MAPK10: variants seen among roughly 807,000 people sequenced by gnomAD.
MAPK10 encodes mitogen-activated protein kinase 10.
In MAPK10, 25 loss-of-function variants were observed where a neutral mutation model predicts 59.3. The ratio of observed to expected loss-of-function variants is 0.42; its 90% CI spans 0.31 to 0.59. The LOEUF is 0.59. Among genes scored for constraint, MAPK10 ranks in the 20% least tolerant of loss-of-function variants. The pLI, the probability that MAPK10 is intolerant of heterozygous loss-of-function variation, is 0.15. For synonymous variants in MAPK10, 190 were observed against 200.5 expected (o/e 0.95, Z 0.44); for missense variants, 351 against 568.9 (o/e 0.62, Z 3.90).
chr4:86,133,739 C>G (rs370678589), intron 4 of MAPK10, among the ~76,000 whole-genome samples: 4 of 152,188 alleles, frequency 2.6e-5, no homozygotes, highest in African/African-American at 9.7e-5. Flanking sequence ...GTGGCTCCAA[C>G]TGAGATTAAG....
intron 1 of MAPK10, among the ~76,000 whole-genome samples, chr4:86,369,606 T>A (rs952873670): frequency 6.6e-6 from 1 of 152,136 alleles, no homozygotes; most frequent in Non-Finnish European, 1.5e-5. Context: ...TTCAAATCAT[T>A]AACAAAAAAT....
chr4:86,359,605 A>T, intron 1 of MAPK10, 53 bp downstream of exon 1: 1 of 869,870 alleles, frequency 1.1e-6, no homozygotes, highest in Non-Finnish European at 1.4e-6. Flanking sequence ...AATAGACATC[A>T]CCCCACCCTC....
intron 1 of MAPK10, among the ~76,000 whole-genome samples, chr4:86,379,214 AC>A (rs2148999606): frequency 6.6e-6 from 1 of 152,358 alleles, no homozygotes; most frequent in South Asian, 2.1e-4. Context: ...CAGGATCATT[AC>A]TACTTTAAGG....
At chr4:86,496,185 T>G (rs1754858052) in intron 1 of MAPK10, among the ~76,000 whole-genome samples, 1 of 152,180 alleles carries the variant, frequency 6.6e-6, no homozygotes. Flanking sequence ...ATTAGCTACA[T>G]GCTTTCCAGC....
chr4:86,080,221 G>A (rs182102183), intron 9 of MAPK10: 1 of 151,728 alleles, frequency 6.6e-6, no homozygotes, highest in African/African-American at 2.4e-5. Context: ...AATAAAGGTT[G>A]GAATCTAGGA....
intron 4 of MAPK10, 114 bp from the exon 5 acceptor site, chr4:86,107,466 T>C (rs2056753373): frequency 2.1e-6 from 3 of 1,407,556 alleles, no homozygotes; most frequent in Middle Eastern, 3.8e-4. Flanking sequence ...TTAGATACTG[T>C]CTACTCTGGT....
chr4:86,045,272 T>C (rs2042288797), intron 11 of MAPK10, among the ~76,000 whole-genome samples: 1 of 152,062 alleles, frequency 6.6e-6, no homozygotes, highest in Non-Finnish European at 1.5e-5. Flanking sequence ...TTTTCTATGG[T>C]TCTTTAACTG....
At position 86,017,101 on chromosome 4, in the gene MAPK10, G is replaced by T; in HGVS notation, c.*127C>A. ...AAAGATTTATTTAATTTTAGGCTTG[G>T]ATTCTCTCCCTTGCTGTTTTCTTGA... On this transcript the variant is annotated 3_prime_UTR_variant, in exon 14 of 14. Transcript: ENST00000641462. The surrounding 1 kb of genome is among the most constrained non-coding windows in gnomAD (Gnocchi z 4.4). 1 of 1,052,180 alleles carries T rather than the reference G, an allele frequency of 9.5e-7. No individual in the cohort carries two copies. Among genetic ancestry groups the T allele is most frequent in the Non-Finnish European group, 1.4e-6 (1 of 724,984 alleles). 65.2% of individuals were successfully genotyped at this position (1,052,180 alleles called of 1,614,324 possible).
chr4:86,176,976 GAAGA>G (rs576393227), intron 3 of MAPK10, among the ~76,000 whole-genome samples: 1 of 152,184 alleles, frequency 6.6e-6, no homozygotes, highest in African/African-American at 2.4e-5. Context: ...AGCAGATGTA[GAAGA>G]AAGAGTCAGG....
intron 2 of MAPK10, among the ~76,000 whole-genome samples, chr4:86,267,788 T>C (rs2094304307): frequency 6.6e-6 from 1 of 152,118 alleles, no homozygotes; most frequent in African/African-American, 2.4e-5. Flanking sequence ...TGGCCTTCCA[T>C]GATCTCACTT....
intron 1 of MAPK10, among the ~76,000 whole-genome samples, chr4:86,384,513 C>G (rs1741204667): frequency 6.6e-6 from 1 of 152,104 alleles, no homozygotes; most frequent in Non-Finnish European, 1.5e-5. Context: ...GGAAAGCGAG[C>G]CTGATTTACA....
intron 4 of MAPK10, among the ~76,000 whole-genome samples, chr4:86,147,820 G>C (rs2065372146): frequency 6.6e-6 from 1 of 152,110 alleles, no homozygotes; most frequent in Admixed American, 6.5e-5. Context: ...CATAATTTAA[G>C]AGAAAGTTAG....
chr4:86,570,857 G>A (rs1273793233), intron 1 of MAPK10, among the ~76,000 whole-genome samples: 1 of 152,130 alleles, frequency 6.6e-6, no homozygotes, highest in Non-Finnish European at 1.5e-5. Flanking sequence ...GGTTGGAGGA[G>A]GGTCTTTAGT....
intron 1 of MAPK10, among the ~76,000 whole-genome samples, chr4:86,458,916 G>A (rs1751474842): frequency 6.6e-6 from 1 of 152,078 alleles, no homozygotes. Flanking sequence ...ATAAATAGCT[G>A]GGACTTAAAC....
intron 2 of MAPK10, among the ~76,000 whole-genome samples, chr4:86,195,474 G>C (rs2081069041): frequency 6.6e-6 from 1 of 152,180 alleles, no homozygotes; most frequent in Non-Finnish European, 1.5e-5. Context: ...TGAAAACAAT[G>C]TGAAAGAATA....
intron 1 of MAPK10, among the ~76,000 whole-genome samples, chr4:86,493,509 C>G (rs959121094): frequency 6.6e-6 from 1 of 152,102 alleles, no homozygotes; most frequent in Admixed American, 6.5e-5. Context: ...TTTACTTTGT[C>G]CTGGATTCTA....
chr4:86,556,446 A>G (rs1760275898), intron 1 of MAPK10, among the ~76,000 whole-genome samples: 1 of 152,168 alleles, frequency 6.6e-6, no homozygotes, highest in Non-Finnish European at 1.5e-5. Context: ...ATAAGAAAAT[A>G]TAACACATGT....
chr4:86,048,293 G>C (rs1283587233), intron 11 of MAPK10, among the ~76,000 whole-genome samples: 4 of 152,020 alleles, frequency 2.6e-5, no homozygotes, highest in Admixed American at 2.6e-4. Context: ...ATGAATCACT[G>C]CAGCATAATG....
intron 2 of MAPK10, among the ~76,000 whole-genome samples, chr4:86,311,654 C>T (rs1270815370): frequency 6.6e-6 from 1 of 151,974 alleles, no homozygotes; most frequent in African/African-American, 2.4e-5. Context: ...AGGTGTGTTG[C>T]CTGCTTCTGG....
Sources: allele counts gnomAD v4.1 joint callset (sites outside exome capture counted in the v4.1 genomes callset), GRCh38; gene constraint gnomAD v4.1.1; non-coding constraint Gnocchi (gnomAD v3.1); transcripts MANE v1.5; gene names NCBI Gene and HGNC (gene_info 2026-07-23, HGNC 2026-07-21).